Variants in LSP1 observed in about 807,000 individuals in gnomAD.
The protein encoded by LSP1 is lymphocyte-specific protein 1.
A neutral mutation model predicts 49.3 loss-of-function variants in LSP1; 32 were observed. That is an observed-to-expected ratio of 0.65 (90% CI 0.49 to 0.87). LSP1 has a LOEUF of 0.87. Ranked by LOEUF, LSP1 falls within the 40% of genes least tolerant of loss-of-function variation. LSP1 has a pLI of 0.00. For synonymous variants in LSP1, 179 were observed against 178.8 expected (o/e 1.00, Z -0.01); for missense variants, 428 against 442.6 (o/e 0.97, Z 0.30).
chr11:1,868,831 C>G (rs1847879480), intron 1 of LSP1: 1 of 985,638 alleles, frequency 1.0e-6, no homozygotes, highest in South Asian at 4.7e-5. Flanking sequence ...GCCGGCGAAC[C>G]AGAGCTGGGC....
chr11:1,882,475 G>A (rs561678546), intron 3 of LSP1, among the ~76,000 whole-genome samples: 1 of 152,276 alleles, frequency 6.6e-6, no homozygotes, highest in South Asian at 2.1e-4. Context: ...ACTGGTCCTG[G>A]CCTGGCGCAG....
chr11:1,871,422 C>A (rs1273734706), intron 1 of LSP1: 3 of 986,226 alleles, frequency 3.0e-6, no homozygotes, highest in Non-Finnish European at 3.6e-6. Context: ...GGTAGGGCAC[C>A]CAGCGCAAGG....
chr11:1,866,708 C>T (rs753637149), intron 1 of LSP1: 2 of 1,550,464 alleles, frequency 1.3e-6, no homozygotes, highest in Non-Finnish European at 1.7e-6. Flanking sequence ...ACCAGGAGCT[C>T]TGTGGCCTGG....
At chr11:1,862,413 G>A (rs1332304827) in intron 1 of LSP1, among the ~76,000 whole-genome samples, 1 of 152,218 alleles carries the variant, frequency 6.6e-6, no homozygotes, top group African/African-American at 2.4e-5. Context: ...TTCCAAGGTA[G>A]CTCTTTTCCC....
chr11:1,887,004 G>C, intron 8 of LSP1, 138 bp downstream of exon 8: 1 of 1,143,202 alleles, frequency 8.7e-7, no homozygotes, highest in Non-Finnish European at 1.2e-6. Context: ...AGGTATTGCA[G>C]TAGGGTTGGG....
intron 1 of LSP1, chr11:1,864,207 C>G: frequency 1.0e-6 from 1 of 987,020 alleles, no homozygotes; most frequent in Non-Finnish European, 1.2e-6. Flanking sequence ...AAAGAGGAAC[C>G]AGCGAAGGGT....
chr11:1,886,723 C>T lies in LSP1; in HGVS notation c.718-9C>T. On this transcript the variant is annotated splice_polypyrimidine_tract_variant and intron_variant, in intron 7 of 10. Transcript: ENST00000311604. The stretch of plus-strand genomic sequence containing the variant: ...CTAAGGTAATCCTGATGCTTTTCCT[C>T]CTCTGCAGACCGCTGGCCGGACCCC... 1.2e-6 allele frequency: 2 copies of T among 1,603,294 alleles called. No individual in the cohort carries two copies. The highest frequency in any genetic ancestry group is 1.1e-5 in the South Asian group (1 of 90,430).
rs574646165 is a variant in LSP1 at position 1,870,288 on chromosome 11, C to G, written c.54-9799C>G. On this transcript the variant is annotated intron_variant, in intron 1 of 10. Transcript: ENST00000311604. ...GGAAAGCTGAGGCTCAGGGAGGCAC[C>G]AAAGCTTACTCCCATCCTGGGGCTT... is the stretch of plus-strand genomic sequence containing the variant. The G allele has an allele frequency of 3.8e-5, 49 of 1,302,154 alleles. 1 individual carries two copies. The Admixed American group carries it at 9.0e-4, about 24-fold the overall frequency. The allele number at this position is 1,302,154 out of a possible 1,614,324, so 80.7% of individuals were successfully genotyped here. A position where few individuals can be genotyped will look rare whatever the true frequency, so the allele number is the denominator to read the frequency against.
At chr11:1,871,874 G>A (rs4980388) in intron 1 of LSP1, among the ~76,000 whole-genome samples, 37,701 of 121,098 alleles carry the variant, frequency 0.31, 3,830 homozygotes, top group South Asian at 0.42. Context: ...TCACCCTGGC[G>A]CACGCTGGTA....
chr11:1,874,096 G>GGC (rs1255009566), intron 1 of LSP1, among the ~76,000 whole-genome samples: 11 of 147,080 alleles, frequency 7.5e-5, no homozygotes, highest in African/African-American at 2.8e-4. Flanking sequence ...GCAGAGCAGG[G>GGC]AGGCCGGCAG....
At chr11:1,873,863 T>TGGCAGAGCAGGGAGCCC (rs1565079151) in intron 1 of LSP1, among the ~76,000 whole-genome samples, 40 of 67,342 alleles carry the variant, frequency 5.9e-4, no homozygotes, top group Non-Finnish European at 8.2e-4. Flanking sequence ...GGAGGGAGGC[T>TGGCAGAGCAGGGAGCCC]GGCAGAGGAG....
intron 1 of LSP1, chr11:1,870,615 G>T: frequency 2.7e-6 from 3 of 1,106,700 alleles, no homozygotes; most frequent in Non-Finnish European, 3.4e-6. Flanking sequence ...TGAATGCCAG[G>T]CTGGCTTGGT....
chr11:1,878,803 G>T, intron 1 of LSP1, among the ~76,000 whole-genome samples: 1 of 152,220 alleles, frequency 6.6e-6, no homozygotes, highest in East Asian at 1.9e-4. Context: ...CCCTGTAGGA[G>T]TGTAGAGACC....
chr11:1,856,135 C>T (rs11823642), intron 1 of LSP1, among the ~76,000 whole-genome samples: 1,615 of 152,312 alleles, frequency 0.011, 37 homozygotes, highest in African/African-American at 0.037. Flanking sequence ...CTGCCGCCAC[C>T]CTGTCCCACA....
chr11:1,857,601 G>T (rs375452624), intron 1 of LSP1, among the ~76,000 whole-genome samples: 2 of 152,172 alleles, frequency 1.3e-5, no homozygotes, highest in African/African-American at 4.8e-5. Flanking sequence ...GGGCTGCAAG[G>T]CCCCAGGGCT....
intron 1 of LSP1, among the ~76,000 whole-genome samples, chr11:1,857,804 T>TA (rs1384844344): frequency 6.6e-6 from 1 of 152,174 alleles, no homozygotes; most frequent in East Asian, 1.9e-4. Flanking sequence ...GCCCAGACTG[T>TA]AGTGCAGTGA....
intron 1 of LSP1, among the ~76,000 whole-genome samples, chr11:1,858,372 C>T (rs1235815564): frequency 1.3e-5 from 2 of 152,216 alleles, no homozygotes; most frequent in Non-Finnish European, 2.9e-5. Context: ...GCTCATGGCC[C>T]AAGCTCAGCA....
chr11:1,883,908 G>A (rs1407040928), intron 4 of LSP1, 24 bp from the exon 5 acceptor site: 1 of 1,586,428 alleles, frequency 6.3e-7, no homozygotes, highest in South Asian at 1.1e-5. Flanking sequence ...GGGTCACTTG[G>A]GATGTCTGTT....
chr11:1,855,528 C>T (rs991141690), intron 1 of LSP1, among the ~76,000 whole-genome samples: 1 of 152,208 alleles, frequency 6.6e-6, no homozygotes, highest in African/African-American at 2.4e-5. Context: ...CGGGACGGGG[C>T]CAGATTCCTC....
Sources: allele counts gnomAD v4.1 joint callset (sites outside exome capture counted in the v4.1 genomes callset), GRCh38; gene constraint gnomAD v4.1.1; transcripts MANE v1.5; gene names NCBI Gene and HGNC (gene_info 2026-07-23, HGNC 2026-07-21).